Variants in F13A1 observed in about 807,000 individuals in gnomAD.
F13A1 encodes FSF, A subunit.
F13A1 carries 47 observed loss-of-function variants against 80.1 expected under a neutral mutation model. The ratio of observed to expected loss-of-function variants is 0.59; its 90% CI spans 0.46 to 0.75. The LOEUF (loss-of-function observed/expected upper bound fraction) is 0.75, where lower values mean the gene tolerates loss of function less well. Ranked by LOEUF, F13A1 falls within the 30% of genes least tolerant of loss-of-function variation. The pLI is 0.00. For missense variants in F13A1, 817 were observed against 930.4 expected, an observed-to-expected ratio of 0.88 and a Z score of 1.59; for synonymous variants, 349 against 344.9, an observed-to-expected ratio of 1.01 and a Z score of -0.13.
intron 5 of F13A1, among the ~76,000 whole-genome samples, chr6:6,249,441 G>A (rs544822194): frequency 4.7e-4 from 71 of 152,318 alleles, no homozygotes; most frequent in Middle Eastern, 3.4e-3. Context: ...GTCATAGAAC[G>A]GATTGATTCC....
chr6:6,211,785 G>T (rs1363835276), intron 8 of F13A1, among the ~76,000 whole-genome samples: 2 of 152,250 alleles, frequency 1.3e-5, no homozygotes, highest in African/African-American at 2.4e-5. Context: ...TCTCACTAGG[G>T]AGTGCCAGAC....
intron 4 of F13A1, among the ~76,000 whole-genome samples, chr6:6,253,155 AAAAAAAAAGAG>A (rs1319624276): frequency 4.3e-4 from 61 of 143,484 alleles, no homozygotes; most frequent in African/African-American, 1.5e-3. Flanking sequence ...AAAAAAAAAA[AAAAAAAAAGAG>A]AGAGAGAGAG....
intron 14 of F13A1, 30 bp from the exon 15 acceptor site, chr6:6,145,802 G>A: frequency 6.2e-7 from 1 of 1,613,976 alleles, no homozygotes; most frequent in Non-Finnish European, 8.5e-7. Flanking sequence ...AGGAGAGGTT[G>A]GAAGATCCAG....
At chr6:6,212,880 A>T (rs945270874) in intron 8 of F13A1, among the ~76,000 whole-genome samples, 4 of 152,206 alleles carry the variant, frequency 2.6e-5, no homozygotes, top group Non-Finnish European at 5.9e-5. Context: ...TAAGTGAAGA[A>T]TGCAGAAGCC....
At position 6,316,791 on chromosome 6, in the gene F13A1, C is replaced by T. The variant is rs574843952; in HGVS notation, c.130+1744G>A. ...ACAGACACTGCTCACTAGATGCTCACGACAATCTGTGAAGTAGGCATTGCT... is the reference window on the plus strand; with the variant it reads ...ACAGACACTGCTCACTAGATGCTCATGACAATCTGTGAAGTAGGCATTGCT... On this transcript the variant is annotated intron_variant, in intron 2 of 14. Coordinates refer to ENST00000264870, the MANE Select transcript of F13A1 (RefSeq NM_000129.4). Among the ~76,000 whole-genome samples, 45 of 152,270 alleles carry T rather than the reference C, an allele frequency of 3.0e-4. No homozygotes were observed. In the South Asian group the frequency reaches 6.6e-3, roughly 22 times the overall value.
chr6:6,255,794 A>G (rs1038426374), intron 4 of F13A1, among the ~76,000 whole-genome samples: 6 of 152,118 alleles, frequency 3.9e-5, no homozygotes, highest in Non-Finnish European at 7.4e-5. Context: ...TATGGCAAGG[A>G]AGTCAAATGG....
chr6:6,282,852 A>G (rs1229640765), intron 3 of F13A1, among the ~76,000 whole-genome samples: 1 of 152,156 alleles, frequency 6.6e-6, no homozygotes, highest in Non-Finnish European at 1.5e-5. Context: ...CCAGAGTTTC[A>G]CAGAGGGTCA....
chr6:6,211,114 G>A (rs1177738056), intron 8 of F13A1, among the ~76,000 whole-genome samples: 4 of 152,180 alleles, frequency 2.6e-5, no homozygotes, highest in Non-Finnish European at 5.9e-5. Flanking sequence ...TTATTGGCTG[G>A]GACCTTGGTT....
rs566552717 is a variant in F13A1, at chr6:6,294,729, T to A, written c.319+10622A>T. ...GTAGAGATTCTTTTTTTTTTAGTCTTTTTTTAAAAATTTATTTATTTATTA... is the reference window on the plus strand; with the variant it reads ...GTAGAGATTCTTTTTTTTTTAGTCTATTTTTAAAAATTTATTTATTTATTA... On this transcript the variant is annotated intron_variant, in intron 3 of 14. Transcript: ENST00000264870. Among the ~76,000 whole-genome samples the A allele has an allele frequency of 3.7e-4, 55 of 148,086 alleles. No homozygotes were observed. In the South Asian group the frequency reaches 9.8e-3, roughly 26 times the overall value.
chr6:6,306,560 G>T (rs1027649241), intron 2 of F13A1, among the ~76,000 whole-genome samples: 2 of 152,178 alleles, frequency 1.3e-5, no homozygotes, highest in Non-Finnish European at 1.5e-5. Context: ...CTGAAAGTGG[G>T]GGTCATCCTA....
rs774526841 is a variant in F13A1, at chr6:6,250,871, G to T, written c.630C>A (p.Ile210=). Residue 210 remains isoleucine (I), a synonymous_variant, in exon 5 of 15, where the codon ATC becomes ATA. Coordinates refer to ENST00000264870, the MANE Select transcript of F13A1 (RefSeq NM_000129.4). The surrounding 1 kb of genome is among the most constrained non-coding windows in gnomAD (Gnocchi z 4.2). ...KEREEYVLND[I]GVIFYGEVND... ...TGACCTCTCCATAAAAAATTACCCC[G>T]ATGTCATTCAGGACATACTCTTCTC... The T allele has an allele frequency of 5.0e-6, 8 of 1,613,544 alleles. No homozygotes were observed. In the South Asian group the frequency reaches 8.8e-5, roughly 18 times the overall value.
chr6:6,294,808 T>C (rs2113163559), intron 3 of F13A1, among the ~76,000 whole-genome samples: 1 of 151,626 alleles, frequency 6.6e-6, no homozygotes, highest in South Asian at 2.1e-4. Flanking sequence ...GTTAGTTACA[T>C]GTGTATACAT....
chr6:6,286,205 G>A (rs929086490), intron 3 of F13A1, among the ~76,000 whole-genome samples: 1 of 152,230 alleles, frequency 6.6e-6, no homozygotes, highest in Non-Finnish European at 1.5e-5. Context: ...GGTCAACATG[G>A]TGAAACCTCA....
intron 10 of F13A1, among the ~76,000 whole-genome samples, chr6:6,183,381 G>A (rs150178135): frequency 6.6e-6 from 1 of 152,266 alleles, no homozygotes; most frequent in African/African-American, 2.4e-5. Context: ...GAATAGTATT[G>A]CCAGATATTG....
chr6:6,182,742 T>C (rs988836866), intron 10 of F13A1, among the ~76,000 whole-genome samples: 6 of 152,146 alleles, frequency 3.9e-5, no homozygotes, highest in Non-Finnish European at 5.9e-5. Context: ...TGAGAGGCGT[T>C]TGGGGATTTG....
intron 4 of F13A1, among the ~76,000 whole-genome samples, chr6:6,259,458 AT>A (rs2113114418): frequency 6.6e-6 from 1 of 152,314 alleles, no homozygotes; most frequent in African/African-American, 2.4e-5. Context: ...ATTAAATTAA[AT>A]TGATTTATTT....
intron 2 of F13A1, among the ~76,000 whole-genome samples, chr6:6,309,918 G>T (rs1758566635): frequency 6.6e-6 from 1 of 152,128 alleles, no homozygotes; most frequent in Non-Finnish European, 1.5e-5. Flanking sequence ...AATGAGTCCT[G>T]CCTTGGCTTC....
intron 13 of F13A1, among the ~76,000 whole-genome samples, chr6:6,164,569 T>C (rs1463080781): frequency 2.0e-5 from 3 of 152,156 alleles, no homozygotes; most frequent in Non-Finnish European, 4.4e-5. Context: ...ATACAATTTA[T>C]CTGACCCCTC....
intron 8 of F13A1, among the ~76,000 whole-genome samples, chr6:6,205,139 G>GTGTT (rs1333081403): frequency 6.6e-6 from 1 of 152,212 alleles, no homozygotes; most frequent in African/African-American, 2.4e-5. Flanking sequence ...AGAAATGAAT[G>GTGTT]TGTTTATTCT....
Sources: gnomAD v4.1 joint callset for allele counts (sites outside exome capture counted in the v4.1 genomes callset) on GRCh38, gnomAD v4.1.1 for gene constraint, Gnocchi (gnomAD v3.1) non-coding constraint, MANE v1.5 for transcripts, NCBI Gene and HGNC (gene_info 2026-07-23, HGNC 2026-07-21) for gene names.